The following IMMP2L variants were observed in gnomAD, a reference collection of about 807,000 sequenced individuals.
IMMP2L encodes inner mitochondrial membrane peptidase subunit 2.
A neutral mutation model predicts 19.3 loss-of-function variants in IMMP2L; 18 were observed. The observed-to-expected ratio is 0.93, with a 90% CI of 0.64 to 1.38. The LOEUF is 1.38. Among genes scored for constraint, IMMP2L ranks in the 40% most tolerant of loss-of-function variants. The pLI is 0.00. For synonymous variants in IMMP2L, 76 were observed against 73.0 expected, an observed-to-expected ratio of 1.04 and a Z score of -0.21; for missense variants, 233 against 218.2, an observed-to-expected ratio of 1.07 and a Z score of -0.43.
chr7:111,001,231 T>G (rs914309433), intron 3 of IMMP2L, among the ~76,000 whole-genome samples: 1 of 152,214 alleles, frequency 6.6e-6, no homozygotes, highest in Admixed American at 6.5e-5. Flanking sequence ...ATTGTACTTT[T>G]AAAACATTGT....
chr7:110,886,791 G>T, intron 4 of IMMP2L, 96 bp from the exon 5 acceptor site: 1 of 577,688 alleles, frequency 1.7e-6, no homozygotes, highest in Non-Finnish European at 3.2e-6. Flanking sequence ...TTATATAGAT[G>T]TTACAGACAG....
At chr7:111,342,280 T>G (rs759686728) in intron 3 of IMMP2L, among the ~76,000 whole-genome samples, 5 of 152,048 alleles carry the variant, frequency 3.3e-5, no homozygotes, top group Non-Finnish European at 5.9e-5. Flanking sequence ...AAATCTTTTT[T>G]GCATATATAC....
chr7:111,218,486 G>A (rs1419180369), intron 3 of IMMP2L, among the ~76,000 whole-genome samples: 1 of 151,222 alleles, frequency 6.6e-6, no homozygotes. Flanking sequence ...CAATGTTAAA[G>A]AGAAATGCAC....
chr7:111,462,551 T>C (rs544075762), intron 3 of IMMP2L, among the ~76,000 whole-genome samples: 19 of 152,314 alleles, frequency 1.2e-4, no homozygotes, highest in Non-Finnish European at 2.6e-4. Context: ...ATAGTTGTAT[T>C]TATGAGGTAC....
intron 5 of IMMP2L, among the ~76,000 whole-genome samples, chr7:110,806,220 AGT>A (rs1801623578): frequency 1.3e-5 from 2 of 151,992 alleles, no homozygotes; most frequent in African/African-American, 4.8e-5. Context: ...TGTCAGCGGA[AGT>A]CCAAGAGAGT....
chr7:110,968,405 G>A (rs764089380), intron 3 of IMMP2L, among the ~76,000 whole-genome samples: 1 of 152,120 alleles, frequency 6.6e-6, no homozygotes, highest in Non-Finnish European at 1.5e-5. Context: ...GGGTGCAGTG[G>A]CACATGCCTG....
chr7:111,046,898 G>A (rs1339259626), intron 3 of IMMP2L, among the ~76,000 whole-genome samples: 2 of 152,044 alleles, frequency 1.3e-5, no homozygotes, highest in Admixed American at 1.3e-4. Flanking sequence ...TCTAACACAA[G>A]CTAATCCTCC....
intron 3 of IMMP2L, among the ~76,000 whole-genome samples, chr7:110,971,295 A>C (rs1480341670): frequency 6.6e-6 from 1 of 152,144 alleles, no homozygotes; most frequent in Admixed American, 6.6e-5. Context: ...AAAAGTGAAG[A>C]AAGTAAGCAT....
chr7:111,467,855 A>G (rs987440789), intron 3 of IMMP2L, among the ~76,000 whole-genome samples: 16 of 152,112 alleles, frequency 1.1e-4, no homozygotes, highest in African/African-American at 3.9e-4. Flanking sequence ...ACTCCAATTA[A>G]TATTTATCCT....
intron 3 of IMMP2L, among the ~76,000 whole-genome samples, chr7:111,128,551 G>A (rs748143340): frequency 6.6e-5 from 10 of 152,166 alleles, no homozygotes; most frequent in Admixed American, 1.3e-4. Flanking sequence ...TTTAGGCTGA[G>A]TGTGATGGCT....
chr7:111,541,977 G>C (rs922592362), intron 1 of IMMP2L, among the ~76,000 whole-genome samples: 3 of 152,058 alleles, frequency 2.0e-5, no homozygotes, highest in African/African-American at 7.2e-5. Flanking sequence ...AAAAATAAAA[G>C]TGAGACGTAG....
intron 3 of IMMP2L, among the ~76,000 whole-genome samples, chr7:111,138,049 C>T (rs1586519014): frequency 6.6e-6 from 1 of 152,086 alleles, no homozygotes; most frequent in South Asian, 2.1e-4. Context: ...AGGCTGGTCT[C>T]GAGCTCCTGA....
At chr7:111,016,321 A>G (rs554972016) in intron 3 of IMMP2L, among the ~76,000 whole-genome samples, 1 of 146,360 alleles carries the variant, frequency 6.8e-6, no homozygotes, top group East Asian at 2.0e-4. Flanking sequence ...CTTGAAAAAA[A>G]GTCCAGTAAT....
intron 3 of IMMP2L, among the ~76,000 whole-genome samples, chr7:111,015,735 A>C (rs1305702152): frequency 2.0e-5 from 3 of 152,084 alleles, no homozygotes; most frequent in Non-Finnish European, 4.4e-5. Context: ...GGGTAATGAA[A>C]ATATTCTTGT....
Position 110,930,360 on chromosome 7 carries a change from C to T in IMMP2L, c.305+33140G>A, listed in dbSNP as rs760275751. On this transcript the variant is annotated intron_variant, in intron 4 of 5. Transcript: ENST00000405709. Reference sequence around the variant, plus strand: ...AACTTGAGCTTCTCCAAGGAGCAGACAGCCTTGTACCTGTAAACTCTCATT... The same window carrying T: ...AACTTGAGCTTCTCCAAGGAGCAGATAGCCTTGTACCTGTAAACTCTCATT... Among the ~76,000 whole-genome samples, 2 of 151,576 alleles carry T rather than the reference C, an allele frequency of 1.3e-5. 1 individual carries two copies. The highest frequency in any genetic ancestry group is 1.3e-4 in the Admixed American group (2 of 15,212).
chr7:110,799,212 T>C (rs1280979581), intron 5 of IMMP2L, among the ~76,000 whole-genome samples: 1 of 152,038 alleles, frequency 6.6e-6, no homozygotes, highest in African/African-American at 2.4e-5. Flanking sequence ...ATGGACTCCT[T>C]CGCCTGCTAA....
At chr7:111,122,983 A>T in intron 3 of IMMP2L, 1 of 1,614,066 alleles carries the variant, frequency 6.2e-7, no homozygotes, top group Non-Finnish European at 8.5e-7. Context: ...GCCAGCTAAC[A>T]CACAGATTCT....
rs1801379371 is a variant in IMMP2L at position 110,803,171 on chromosome 7, G to A, written c.408+83422C>T. Among the ~76,000 whole-genome samples the A allele has an allele frequency of 6.6e-6, 1 of 152,030 alleles. No homozygotes were observed. Among genetic ancestry groups the A allele is most frequent in the African/African-American group, 2.4e-5 (1 of 41,412 alleles). ...GAGCAGTAATGGAGGGGCATATTAG[G>A]TAGTGGGAACAAAATGGACATAATC... On this transcript the variant is annotated intron_variant, in intron 5 of 5. Coordinates refer to ENST00000405709, the MANE Select transcript of IMMP2L (RefSeq NM_032549.4). This position sits in a 1 kb window ranked among gnomAD's most constrained non-coding sequence, Gnocchi z 4.2.
At chr7:111,416,325 T>C (rs1834952440) in intron 3 of IMMP2L, among the ~76,000 whole-genome samples, 1 of 151,858 alleles carries the variant, frequency 6.6e-6, no homozygotes, top group Non-Finnish European at 1.5e-5. Flanking sequence ...GTCATAGCAG[T>C]TCACACAATT....
Sources: gnomAD v4.1 joint callset for allele counts (sites outside exome capture counted in the v4.1 genomes callset) on GRCh38, gnomAD v4.1.1 for gene constraint, Gnocchi (gnomAD v3.1) non-coding constraint, MANE v1.5 for transcripts, NCBI Gene and HGNC (gene_info 2026-07-23, HGNC 2026-07-21) for gene names.